STXBP6: variants seen among roughly 807,000 people sequenced by gnomAD.
STXBP6 encodes the protein syntaxin-binding protein 6.
STXBP6 carries 21 observed loss-of-function variants against 26.9 expected under a neutral mutation model. That is an observed-to-expected ratio of 0.78 (90% CI 0.55 to 1.12). STXBP6 has a LOEUF of 1.12. Among genes scored for constraint, STXBP6 ranks in the 50% most tolerant of loss-of-function variants. STXBP6 has a pLI of 0.00. For synonymous variants in STXBP6, 97 were observed against 92.6 expected (o/e 1.05, Z -0.27); for missense variants, 232 against 257.9 (o/e 0.90, Z 0.69).
intron 2 of STXBP6, among the ~76,000 whole-genome samples, chr14:24,861,917 A>G (rs1368998549): frequency 3.3e-5 from 5 of 152,094 alleles, no homozygotes; most frequent in Middle Eastern, 3.4e-3. Flanking sequence ...CTTCCTTCCC[A>G]TCTTAGAATC....
intron 4 of STXBP6, among the ~76,000 whole-genome samples, chr14:24,843,573 C>A (rs2068848008): frequency 1.3e-5 from 2 of 152,156 alleles, no homozygotes; most frequent in South Asian, 4.1e-4. Flanking sequence ...TAAATCCTTA[C>A]AACTTACTAC....
At chr14:24,902,855 G>A (rs1566460847) in intron 2 of STXBP6, among the ~76,000 whole-genome samples, 3 of 152,174 alleles carry the variant, frequency 2.0e-5, no homozygotes, top group South Asian at 2.1e-4. Context: ...TCATTCCAAT[G>A]GCTCTTTGTA....
intron 1 of STXBP6, among the ~76,000 whole-genome samples, chr14:24,996,816 T>C (rs2074615081): frequency 7.0e-6 from 1 of 142,356 alleles, no homozygotes; most frequent in Non-Finnish European, 1.5e-5. Flanking sequence ...GATCGCGCCA[T>C]TGTACTTCAG....
chr14:25,025,404 C>G (rs1328456009), intron 1 of STXBP6, among the ~76,000 whole-genome samples: 1 of 151,994 alleles, frequency 6.6e-6, no homozygotes, highest in Non-Finnish European at 1.5e-5. Context: ...AAAGGCACAT[C>G]AAATGGAATA....
intron 2 of STXBP6, among the ~76,000 whole-genome samples, chr14:24,888,217 A>G (rs1480431211): frequency 6.6e-6 from 1 of 152,240 alleles, no homozygotes; most frequent in Non-Finnish European, 1.5e-5. Flanking sequence ...AATGAAATGG[A>G]AGAGAACACA....
At chr14:24,963,234 A>T (rs918442472) in intron 2 of STXBP6, among the ~76,000 whole-genome samples, 1 of 152,196 alleles carries the variant, frequency 6.6e-6, no homozygotes, top group Non-Finnish European at 1.5e-5. Flanking sequence ...TTCTGAACAG[A>T]GGTATAACCC....
intron 4 of STXBP6, among the ~76,000 whole-genome samples, chr14:24,828,490 T>C (rs2068354919): frequency 6.6e-6 from 1 of 152,200 alleles, no homozygotes; most frequent in African/African-American, 2.4e-5. Context: ...TATTAAAATA[T>C]CTGGGTATTT....
chr14:24,820,207 A>T (rs1199198256), intron 4 of STXBP6, among the ~76,000 whole-genome samples: 1 of 152,234 alleles, frequency 6.6e-6, no homozygotes, highest in African/African-American at 2.4e-5. Flanking sequence ...AGTTTATTAC[A>T]TCATTTAACT....
intron 2 of STXBP6, among the ~76,000 whole-genome samples, chr14:24,932,476 C>A (rs558263970): frequency 6.6e-6 from 1 of 152,018 alleles, no homozygotes. Flanking sequence ...GGTATGATTG[C>A]GCCATTGCAC....
intron 2 of STXBP6, among the ~76,000 whole-genome samples, chr14:24,970,318 G>A (rs949636779): frequency 6.6e-6 from 1 of 151,954 alleles, no homozygotes; most frequent in Non-Finnish European, 1.5e-5. Flanking sequence ...GCAGCCTGAT[G>A]AGCTGTCAAA....
At chr14:24,901,764 A>G (rs2071221134) in intron 2 of STXBP6, among the ~76,000 whole-genome samples, 1 of 151,908 alleles carries the variant, frequency 6.6e-6, no homozygotes, top group Non-Finnish European at 1.5e-5. Context: ...TAAAAGAGTT[A>G]ATATACACTC....
intron 2 of STXBP6, among the ~76,000 whole-genome samples, chr14:24,953,415 C>T (rs2073235907): frequency 6.6e-6 from 1 of 152,174 alleles, no homozygotes; most frequent in African/African-American, 2.4e-5. Flanking sequence ...TCTCTGTTTG[C>T]TGAGCTGCAG....
chr14:24,814,357 G>GC (rs2067909608), intron 5 of STXBP6, among the ~76,000 whole-genome samples: 1 of 152,172 alleles, frequency 6.6e-6, no homozygotes, highest in South Asian at 2.1e-4. Flanking sequence ...ACATTATTCA[G>GC]CAACATGGAC....
chr14:24,893,681 T>C (rs1160892912), intron 2 of STXBP6, among the ~76,000 whole-genome samples: 2 of 152,240 alleles, frequency 1.3e-5, no homozygotes, highest in Non-Finnish European at 2.9e-5. Context: ...GCTACAGGGA[T>C]ACTCAATGGT....
At chr14:25,044,064 G>A (rs1027769442) in intron 1 of STXBP6, among the ~76,000 whole-genome samples, 12 of 151,166 alleles carry the variant, frequency 7.9e-5, no homozygotes, top group African/African-American at 2.7e-4. Context: ...CCAGCTACTC[G>A]GGAACCCAAG....
At chr14:24,853,324 T>G (rs1349635348) in intron 4 of STXBP6, among the ~76,000 whole-genome samples, 1 of 152,122 alleles carries the variant, frequency 6.6e-6, no homozygotes, top group Non-Finnish European at 1.5e-5. Context: ...ATCGGCATAC[T>G]AATTTATCAG....
intron 2 of STXBP6, among the ~76,000 whole-genome samples, chr14:24,928,336 C>A (rs2072255229): frequency 6.6e-6 from 1 of 151,924 alleles, no homozygotes; most frequent in African/African-American, 2.4e-5. Context: ...TAACCTTACC[C>A]CCTGTCAATG....
intron 2 of STXBP6, among the ~76,000 whole-genome samples, chr14:24,888,832 T>C (rs2070684966): frequency 6.6e-6 from 1 of 152,182 alleles, no homozygotes; most frequent in Non-Finnish European, 1.5e-5. Flanking sequence ...ACCCTCTATG[T>C]ACCAGACACA....
intron 2 of STXBP6, among the ~76,000 whole-genome samples, chr14:24,964,078 C>T (rs2073644712): frequency 6.6e-6 from 1 of 151,352 alleles, no homozygotes; most frequent in African/African-American, 2.4e-5. Flanking sequence ...CAGGCAGTCT[C>T]AGCTCTTATA....
Sources: gnomAD v4.1 joint callset for allele counts (sites outside exome capture counted in the v4.1 genomes callset) on GRCh38, gnomAD v4.1.1 for gene constraint, MANE v1.5 for transcripts, NCBI Gene and HGNC (gene_info 2026-07-23, HGNC 2026-07-21) for gene names.